The following ROCK1 variants were observed in gnomAD, a reference collection of about 807,000 sequenced individuals.
ROCK1 encodes the protein Rho associated coiled-coil containing protein kinase 1.
A neutral mutation model predicts 196.8 loss-of-function variants in ROCK1; 36 were observed. That is an observed-to-expected ratio of 0.18 (90% CI 0.14 to 0.24). The LOEUF (loss-of-function observed/expected upper bound fraction) is 0.24. Ranked by LOEUF, ROCK1 falls within the 10% of genes least tolerant of loss-of-function variation. The probability of loss-of-function intolerance (pLI) is 1.00; values close to 1 mark genes in which losing one functional copy is unlikely to be tolerated. For synonymous variants in ROCK1, 443 were observed against 515.9 expected (o/e 0.86, Z 1.91); for missense variants, 920 against 1,562.0 (o/e 0.59, Z 6.93).
chr18:21,097,206 A>G (rs1301165738), intron 1 of ROCK1, among the ~76,000 whole-genome samples: 1 of 152,206 alleles, frequency 6.6e-6, no homozygotes, highest in Non-Finnish European at 1.5e-5. Context: ...CAAAGTTAAG[A>G]AAAGATGTAG....
intron 4 of ROCK1, among the ~76,000 whole-genome samples, chr18:21,048,319 T>C (rs1018250687): frequency 2.0e-5 from 3 of 152,134 alleles, no homozygotes; most frequent in Non-Finnish European, 2.9e-5. Context: ...CCTCTCACTT[T>C]CCCTTCATTT....
intron 9 of ROCK1, among the ~76,000 whole-genome samples, chr18:21,035,050 G>C (rs2036044840): frequency 6.6e-6 from 1 of 152,250 alleles, no homozygotes; most frequent in African/African-American, 2.4e-5. Flanking sequence ...CTGGTCATTA[G>C]AGAAATGCTA....
At chr18:20,988,445 G>A (rs550391420) in intron 18 of ROCK1, among the ~76,000 whole-genome samples, 13 of 152,138 alleles carry the variant, frequency 8.5e-5, no homozygotes, top group East Asian at 5.8e-4. Flanking sequence ...TGTTTACAGC[G>A]TATAGCTTTC....
At chr18:20,980,762 A>T (rs1370689718) in intron 21 of ROCK1, among the ~76,000 whole-genome samples, 1 of 151,878 alleles carries the variant, frequency 6.6e-6, no homozygotes, top group African/African-American at 2.4e-5. Flanking sequence ...TAAAAATACA[A>T]AAAATTAGCT....
At chr18:21,045,655 T>C (rs2036149229) in intron 4 of ROCK1, among the ~76,000 whole-genome samples, 188 bp from the exon 5 acceptor site, 1 of 152,174 alleles carries the variant, frequency 6.6e-6, no homozygotes, top group Non-Finnish European at 1.5e-5. Context: ...AAAATGACTA[T>C]AACATAATTA....
At chr18:21,031,353 C>G (rs1156539668) in intron 9 of ROCK1, among the ~76,000 whole-genome samples, 1 of 151,876 alleles carries the variant, frequency 6.6e-6, no homozygotes, top group African/African-American at 2.4e-5. Flanking sequence ...GCCTGTAATC[C>G]CAGCACTTTG....
In ROCK1 at chr18:20,947,240, A is replaced by G. The variant is rs2035137328; in HGVS notation, c.*4144T>C. 6.7e-6 allele frequency: 1 copy of G among 150,084 alleles called. No homozygotes were observed. The highest frequency in any genetic ancestry group is 1.5e-5 in the Non-Finnish European group (1 of 67,958). 9.3% of individuals were successfully genotyped at this position (150,084 alleles called of 1,614,324 possible). On this transcript the variant is annotated 3_prime_UTR_variant, in exon 33 of 33. Transcript: ENST00000399799. ...TTCCTACCTCACAAAAATCTGAGTT[A>G]CATATACTTTGGAGATAATCCATTA...
intron 1 of ROCK1, among the ~76,000 whole-genome samples, chr18:21,075,823 C>T (rs1169046383): frequency 2.0e-5 from 3 of 151,524 alleles, no homozygotes; most frequent in Non-Finnish European, 2.9e-5. Context: ...TATGGGGATG[C>T]GCACCTGTAG....
chr18:21,025,844 T>C (rs992094628), intron 10 of ROCK1, among the ~76,000 whole-genome samples: 11 of 152,196 alleles, frequency 7.2e-5, no homozygotes, highest in African/African-American at 2.7e-4. Flanking sequence ...TATTTGTCAA[T>C]AGGCTGTGAC....
rs71269004 is a variant in ROCK1 at position 21,033,854 on chromosome 18, T to TAAAAAAAAAAAAAAAAAAAAAAA, written c.1052-4942_1052-4920dup. On this transcript the variant is annotated intron_variant, in intron 9 of 32. Coordinates refer to ENST00000399799, the MANE Select transcript of ROCK1 (RefSeq NM_005406.3). ...TAACTCAGTGAAACCCCGTTTCTAC[T>TAAAAAAAAAAAAAAAAAAAAAAA]AAAAAAAAAAAAAAAAAAAAAAAAA... 2.4e-4 allele frequency among the ~76,000 whole-genome samples: 8 copies of TAAAAAAAAAAAAAAAAAAAAAAA among 33,462 alleles called. 1 individual carries two copies. The highest frequency in any genetic ancestry group is 4.3e-4 in the African/African-American group (4 of 9,328). 22.0% of individuals were successfully genotyped at this position (33,462 alleles called of 152,430 possible).
intron 2 of ROCK1, among the ~76,000 whole-genome samples, chr18:21,066,614 T>A (rs2036337033): frequency 6.6e-6 from 1 of 152,218 alleles, no homozygotes; most frequent in African/African-American, 2.4e-5. Context: ...CTCCTGAAGT[T>A]TTACCTCAAC....
At position 20,966,913 on chromosome 18, in the gene ROCK1, T is replaced by C; in HGVS notation, c.3352+4A>G. 6.2e-7 allele frequency: 1 copy of C among 1,603,940 alleles called. No homozygotes were observed. Among genetic ancestry groups the C allele is most frequent in the African/African-American group, 1.3e-5 (1 of 74,746 alleles). On this transcript the variant is annotated splice_donor_region_variant and intron_variant, in intron 27 of 32. Coordinates refer to ENST00000399799, the MANE Select transcript of ROCK1 (RefSeq NM_005406.3). ...ATGTTTGAATGATACAGAATTATTC[T>C]TACCTGGGAGGTTACCATCAGTTTC... is the stretch of plus-strand genomic sequence containing the variant.
chr18:21,026,709 T>C lies in ROCK1; in HGVS notation c.1211+2067A>G, dbSNP rs370932978. Among the ~76,000 whole-genome samples, 29 of 152,148 alleles carry C rather than the reference T, an allele frequency of 1.9e-4. No individual in the cohort carries two copies. The East Asian group carries it at 5.4e-3, about 28-fold the overall frequency. On this transcript the variant is annotated intron_variant, in intron 10 of 32. Transcript: ENST00000399799. ...AGATTAACTTGAATGGCTCTTACAC[T>C]AAAATGACAAGACCCTTCACTTTAA... is the stretch of plus-strand genomic sequence containing the variant.
intron 13 of ROCK1, among the ~76,000 whole-genome samples, chr18:21,009,631 T>C (rs530838995): frequency 1.5e-4 from 23 of 152,326 alleles, no homozygotes; most frequent in Middle Eastern, 6.8e-3. Flanking sequence ...ACACAGCCAA[T>C]TGGTTTTCCA....
chr18:20,980,219 A>C (rs1054632329), intron 21 of ROCK1, among the ~76,000 whole-genome samples: 13 of 152,126 alleles, frequency 8.5e-5, no homozygotes, highest in Non-Finnish European at 1.5e-4. Context: ...AATGACCCAG[A>C]CATCCATCAA....
At chr18:20,964,839 A>G (rs2035358107) in intron 27 of ROCK1, among the ~76,000 whole-genome samples, 2 of 152,224 alleles carry the variant, frequency 1.3e-5, no homozygotes, top group South Asian at 4.1e-4. Flanking sequence ...CAATGAAGCC[A>G]GCTGATGGCA....
Position 21,078,319 on chromosome 18 carries a change from ACT to A in ROCK1, c.94-7708_94-7707del, listed in dbSNP as rs1431463024. On this transcript the variant is annotated intron_variant, in intron 1 of 32. Transcript: ENST00000399799. ...ACTCCAGCCTGGGTGACAGAGCAAG[ACT>A]CTATCTCAAAACACCCACCTACACA... is the stretch of plus-strand genomic sequence containing the variant. Among the ~76,000 whole-genome samples, 3 of 149,772 alleles carry A rather than the reference ACT, an allele frequency of 2.0e-5. No individual in the cohort carries two copies. In the Admixed American group the frequency reaches 2.0e-4, roughly 10 times the overall value.
intron 8 of ROCK1, among the ~76,000 whole-genome samples, chr18:21,040,198 G>C (rs1319382093): frequency 6.6e-6 from 1 of 152,154 alleles, no homozygotes; most frequent in Admixed American, 6.5e-5. Context: ...TTTTTTGTGT[G>C]TGTGTGTTAT....
intron 27 of ROCK1, among the ~76,000 whole-genome samples, chr18:20,961,818 CTTTTTTTTTTTT>C (rs11334095): frequency 8.5e-6 from 1 of 117,210 alleles, no homozygotes; most frequent in Admixed American, 9.5e-5. Context: ...TTTCTTTTTC[CTTTTTTTTTTTT>C]TTTTTTTTTG....
Sources: allele counts gnomAD v4.1 joint callset (sites outside exome capture counted in the v4.1 genomes callset), GRCh38; gene constraint gnomAD v4.1.1; transcripts MANE v1.5; gene names NCBI Gene and HGNC (gene_info 2026-07-23, HGNC 2026-07-21).